The following ARHGAP35 variants were observed in gnomAD, a reference collection of about 807,000 sequenced individuals.
ARHGAP35 encodes Rho GTPase activating protein 35.
Under a neutral mutation model 111.1 loss-of-function variants are expected in ARHGAP35, and 15 were observed. The ratio of observed to expected loss-of-function variants is 0.13; its 90% confidence interval spans 0.09 to 0.21. ARHGAP35 has a LOEUF of 0.21. Among genes scored for constraint, ARHGAP35 ranks in the 10% least tolerant of loss-of-function variants. The pLI, the probability that ARHGAP35 is intolerant of heterozygous loss-of-function variation, is 1.00. For synonymous variants in ARHGAP35, 643 were observed against 710.3 expected (o/e 0.91, Z 1.51); for missense variants, 1,262 against 1,873.0 (o/e 0.67, Z 6.02).
chr19:46,944,200 G>T (rs1033600850), intron 3 of ARHGAP35, among the ~76,000 whole-genome samples: 1 of 151,748 alleles, frequency 6.6e-6, no homozygotes, highest in Admixed American at 6.6e-5. Context: ...CTCAGAGGCT[G>T]AGGTAGGAGG....
chr19:46,878,783 C>G (rs1460157102), intron 1 of ARHGAP35, among the ~76,000 whole-genome samples: 1 of 152,088 alleles, frequency 6.6e-6, no homozygotes, highest in Non-Finnish European at 1.5e-5. Flanking sequence ...TACTTTATTA[C>G]TTAAAAAATG....
At chr19:46,965,692 C>A (rs138429308) in intron 3 of ARHGAP35, among the ~76,000 whole-genome samples, 7 of 152,154 alleles carry the variant, frequency 4.6e-5, no homozygotes, top group Middle Eastern at 3.4e-3. Context: ...GCCATGTTGC[C>A]CAGGCTGATC....
rs181634903 is a variant in ARHGAP35 at position 46,973,561 on chromosome 19, G to T, written c.3827-14428G>T. On this transcript the variant is annotated intron_variant, in intron 3 of 6. Transcript: ENST00000672722. Reference sequence around the variant, plus strand: ...AAAACTTAGCCGGGTGTGGTGGCGGGGCGCCTGTAGTCCCAGCTACTCGGG... The same window carrying T: ...AAAACTTAGCCGGGTGTGGTGGCGGTGCGCCTGTAGTCCCAGCTACTCGGG... 1.5e-3 allele frequency among the ~76,000 whole-genome samples: 226 copies of T among 151,822 alleles called. 2 individuals are homozygous for T. The highest frequency in any genetic ancestry group is 2.8e-3 in the Non-Finnish European group (188 of 67,914).
intron 1 of ARHGAP35, among the ~76,000 whole-genome samples, chr19:46,865,965 C>T (rs1037404876): frequency 1.3e-5 from 2 of 152,096 alleles, no homozygotes; most frequent in African/African-American, 2.4e-5. Flanking sequence ...GTCAGCCTCC[C>T]GAGTAGCTGG....
intron 2 of ARHGAP35, among the ~76,000 whole-genome samples, chr19:46,930,292 C>T (rs1343764187): frequency 1.3e-5 from 2 of 148,896 alleles, no homozygotes; most frequent in Non-Finnish European, 3.0e-5. Context: ...CCAGGGAGGT[C>T]GAGGCTGCAG....
At chr19:46,881,493 G>T (rs1027361750) in intron 1 of ARHGAP35, among the ~76,000 whole-genome samples, 3 of 152,174 alleles carry the variant, frequency 2.0e-5, no homozygotes, top group African/African-American at 7.2e-5. Context: ...ATGACTAGGT[G>T]CCTTGTCAAT....
intron 1 of ARHGAP35, among the ~76,000 whole-genome samples, chr19:46,891,285 T>C (rs1318057125): frequency 6.6e-6 from 1 of 152,188 alleles, no homozygotes; most frequent in Non-Finnish European, 1.5e-5. Flanking sequence ...TATTGATTCA[T>C]TAAGGATAAT....
rs145985062 is a variant in ARHGAP35 at position 46,913,932 on chromosome 19, G to A, written c.-188-4556G>A. ...GACATTGTGAAGTCTGGATATGCCC[G>A]GTCTCCTACTTTCTCTTTCTTTGTG... On this transcript the variant is annotated intron_variant, in intron 1 of 6. Transcript: ENST00000672722. Among the ~76,000 whole-genome samples the A allele has an allele frequency of 6.0e-3, 911 of 152,164 alleles. 5 individuals carry two copies. The highest frequency in any genetic ancestry group is 0.02 in the South Asian group (97 of 4,822).
rs772807828 is a variant in ARHGAP35 at position 46,921,690 on chromosome 19, G to A, written c.3015G>A (p.Leu1005=). The change falls in exon 2 of 7, where the codon CTG becomes CTA. Residue 1005 remains leucine, a synonymous_variant. Coordinates refer to ENST00000672722, the MANE Select transcript of ARHGAP35 (RefSeq NM_004491.5). This position sits in a 1 kb window ranked among gnomAD's most constrained non-coding sequence, Gnocchi z 4.3. ...LFREDTSLPS[L]SKDHSKLSME... ...GAGAAGACACATCACTGCCTTCTCT[G>A]TCCAAAGACCATTCTAAGCTCTCTA... is the stretch of plus-strand genomic sequence containing the variant. The A allele has an allele frequency of 7.4e-6, 12 of 1,613,980 alleles. 1 individual carries two copies. In the South Asian group the frequency reaches 1.3e-4, roughly 18 times the overall value.
rs2056373040 is a variant in ARHGAP35, at chr19:46,945,288, G to A, written c.3826+7880G>A. Among the ~76,000 whole-genome samples the A allele has an allele frequency of 6.6e-6, 1 of 152,120 alleles. No homozygotes were observed. The highest frequency in any genetic ancestry group is 1.5e-5 in the Non-Finnish European group (1 of 68,034). ...TCATCTTTGTGGAAAATTGGTTGAG[G>A]CAATGGAGTCACTGCTCCCTTCTGC... On this transcript the variant is annotated intron_variant, in intron 3 of 6. Transcript: ENST00000672722. The surrounding 1 kb of genome is among the most constrained non-coding windows in gnomAD (Gnocchi z 4.1).
At chr19:46,873,747 CT>C (rs929423033) in intron 1 of ARHGAP35, among the ~76,000 whole-genome samples, 106 of 145,338 alleles carry the variant, frequency 7.3e-4, no homozygotes, top group East Asian at 3.0e-3. Flanking sequence ...TTTATTTAAG[CT>C]TTTTTTTTTT....
At chr19:46,966,920 T>G (rs1475876583) in intron 3 of ARHGAP35, among the ~76,000 whole-genome samples, 1 of 152,152 alleles carries the variant, frequency 6.6e-6, no homozygotes, top group East Asian at 1.9e-4. Context: ...GCTTGGAGTC[T>G]GGGATGGAGG....
chr19:46,895,685 T>C (rs1204354646), intron 1 of ARHGAP35, among the ~76,000 whole-genome samples: 2 of 152,332 alleles, frequency 1.3e-5, no homozygotes, highest in East Asian at 3.9e-4. Flanking sequence ...GTGATATCAG[T>C]AATCCTATTG....
At chr19:46,982,018 A>G (rs1206882743) in intron 3 of ARHGAP35, among the ~76,000 whole-genome samples, 2 of 151,988 alleles carry the variant, frequency 1.3e-5, no homozygotes, top group Non-Finnish European at 2.9e-5. Context: ...TGCCTGGCTA[A>G]TTTTTTATTT....
intron 1 of ARHGAP35, among the ~76,000 whole-genome samples, chr19:46,886,140 T>C (rs1458690111): frequency 6.6e-6 from 1 of 152,172 alleles, no homozygotes; most frequent in Non-Finnish European, 1.5e-5. Flanking sequence ...CCTGGAGTGC[T>C]TGCCTTAATG....
rs1831224139 is a variant in ARHGAP35 at position 46,993,608 on chromosome 19, C to G, written c.4036+3933C>G. On this transcript the variant is annotated intron_variant, in intron 5 of 6. Transcript: ENST00000672722. This position sits in a 1 kb window ranked among gnomAD's most constrained non-coding sequence, Gnocchi z 4.6. The stretch of plus-strand genomic sequence containing the variant: ...TGTCCCCTCCCCTCCCTCCTGAGTT[C>G]TTGGGGTCTCTATTGTACTAAATTG... Among the ~76,000 whole-genome samples the G allele has an allele frequency of 6.6e-6, 1 of 152,320 alleles. No homozygotes were observed. Among genetic ancestry groups the G allele is most frequent in the East Asian group, 1.9e-4 (1 of 5,190 alleles).
intron 2 of ARHGAP35, among the ~76,000 whole-genome samples, chr19:46,929,235 G>A (rs1021700479): frequency 1.3e-5 from 2 of 152,120 alleles, no homozygotes; most frequent in Admixed American, 1.3e-4. Flanking sequence ...CCAGAAGGGG[G>A]AGCACCGGTT....
chr19:46,880,623 A>T lies in ARHGAP35; in HGVS notation c.-189+19414A>T, dbSNP rs189342445. Among the ~76,000 whole-genome samples, 252 of 152,190 alleles carry T rather than the reference A, an allele frequency of 1.7e-3. 1 individual carries two copies. Among genetic ancestry groups the T allele is most frequent in the African/African-American group, 5.9e-3 (244 of 41,540 alleles). On this transcript the variant is annotated intron_variant, in intron 1 of 6. Coordinates refer to ENST00000672722, the MANE Select transcript of ARHGAP35 (RefSeq NM_004491.5). ...ATCAACTTCTTCCAAATTCCTGTTA[A>T]TGTTGATATTGTGAGCTCTCTCATG...
chr19:46,981,825 GTGTTTTGTTTTGTTTTGTTT>G (rs55887324), intron 3 of ARHGAP35, among the ~76,000 whole-genome samples: 66 of 147,408 alleles, frequency 4.5e-4, no homozygotes, highest in South Asian at 2.0e-3. Flanking sequence ...GTATTTTTTG[GTGTTTTGTTTTGTTTTGTTT>G]TGTTTTGTTT....
Sources: gnomAD v4.1 joint callset for allele counts (sites outside exome capture counted in the v4.1 genomes callset) on GRCh38, gnomAD v4.1.1 for gene constraint, Gnocchi (gnomAD v3.1) non-coding constraint, MANE v1.5 for transcripts, NCBI Gene and HGNC (gene_info 2026-07-23, HGNC 2026-07-21) for gene names.